Variants in PHF3 observed in about 807,000 individuals in gnomAD.
The protein encoded by PHF3 is PHD finger protein 3.
In PHF3, 41 loss-of-function variants were observed where a neutral mutation model predicts 178.4. The observed-to-expected ratio is 0.23, with a 90% CI of 0.18 to 0.30. PHF3 has a LOEUF of 0.30. PHF3 is among the 10% of genes least tolerant of loss of function. The pLI, the probability that PHF3 is intolerant of heterozygous loss-of-function variation, is 1.00. For missense variants in PHF3, 2,346 were observed against 2,398.1 expected (o/e 0.98, Z 0.45); for synonymous variants, 842 against 800.5 (o/e 1.05, Z -0.88).
chr6:63,686,201 G>A, intron 4 of PHF3: 2 of 323,418 alleles, frequency 6.2e-6, no homozygotes, highest in Non-Finnish European at 1.1e-5. Context: ...CACTGCATCT[G>A]CAAAAAAGCC....
intron 9 of PHF3, 41 bp from the exon 10 acceptor site, chr6:63,702,467 T>C: frequency 7.4e-7 from 1 of 1,344,666 alleles, no homozygotes; most frequent in Non-Finnish European, 1.0e-6. Context: ...TGGAAATACA[T>C]ATTTTAAATT....
At chr6:63,686,029 A>G (rs1019407061) in intron 4 of PHF3, 118 bp downstream of exon 4, 1 of 661,990 alleles carries the variant, frequency 1.5e-6, no homozygotes, top group Admixed American at 3.0e-5. Context: ...GACCTGTGCA[A>G]AAACAAAAAG....
intron 4 of PHF3, among the ~76,000 whole-genome samples, chr6:63,690,457 C>T (rs1327806255): frequency 6.6e-6 from 1 of 152,120 alleles, no homozygotes; most frequent in East Asian, 1.9e-4. Context: ...TTTAAAAACA[C>T]TGTAAGGATT....
intron 2 of PHF3, among the ~76,000 whole-genome samples, chr6:63,657,499 G>A (rs893392686): frequency 3.2e-4 from 48 of 152,052 alleles, no homozygotes; most frequent in African/African-American, 1.1e-3. Context: ...TTACAATAAA[G>A]TACACTAGAG....
intron 2 of PHF3, among the ~76,000 whole-genome samples, chr6:63,650,556 T>G (rs1426264353): frequency 6.6e-6 from 1 of 152,228 alleles, no homozygotes; most frequent in African/African-American, 2.4e-5. Flanking sequence ...AAGCAAAGTG[T>G]TGTAATACTT....
At chr6:63,664,482 T>C (rs1372318724) in intron 2 of PHF3, among the ~76,000 whole-genome samples, 1 of 152,216 alleles carries the variant, frequency 6.6e-6, no homozygotes, top group Non-Finnish European at 1.5e-5. Context: ...TAAGTTTATA[T>C]ATAAGACATT....
rs1461215214 is a variant in PHF3 at position 63,714,303 on chromosome 6, G to A, written c.*595G>A. The A allele has an allele frequency of 2.6e-5, 4 of 152,490 alleles. No individual in the cohort carries two copies. Among genetic ancestry groups the A allele is most frequent in the Admixed American group, 2.6e-4 (4 of 15,250 alleles). The allele number at this position is 152,490 out of a possible 1,614,324, so 9.4% of individuals were successfully genotyped here. Reference sequence around the variant, plus strand: ...TACCATATACTACAGCTTTGTGGTAGGCCATTATTTTCATTTTCATTTTTG... The same window carrying A: ...TACCATATACTACAGCTTTGTGGTAAGCCATTATTTTCATTTTCATTTTTG... On this transcript the variant is annotated 3_prime_UTR_variant, in exon 16 of 16. Transcript: ENST00000262043.
intron 3 of PHF3, among the ~76,000 whole-genome samples, chr6:63,681,915 C>G (rs1324098373): frequency 6.6e-6 from 1 of 151,994 alleles, no homozygotes; most frequent in Non-Finnish European, 1.5e-5. Context: ...AGCAATCTGG[C>G]TGTACTGTTG....
intron 1 of PHF3, among the ~76,000 whole-genome samples, chr6:63,642,287 CT>C (rs1764609249): frequency 6.6e-6 from 1 of 152,186 alleles, no homozygotes; most frequent in Non-Finnish European, 1.5e-5. Flanking sequence ...CCTGCCTAGC[CT>C]TTGTTAGCTT....
At chr6:63,678,506 G>T (rs1034562969) in intron 2 of PHF3, among the ~76,000 whole-genome samples, 2 of 151,522 alleles carry the variant, frequency 1.3e-5, no homozygotes, top group African/African-American at 2.4e-5. Context: ...ATAGGAAAAA[G>T]GTATATTCTT....
At chr6:63,694,969 A>G (rs558224866) in intron 6 of PHF3, among the ~76,000 whole-genome samples, 13 of 152,294 alleles carry the variant, frequency 8.5e-5, no homozygotes, top group Middle Eastern at 3.4e-3. Flanking sequence ...TAGTGAAATT[A>G]AGATAAGACC....
intron 2 of PHF3, among the ~76,000 whole-genome samples, chr6:63,659,304 C>T (rs1342659753): frequency 6.6e-6 from 1 of 152,060 alleles, no homozygotes; most frequent in Non-Finnish European, 1.5e-5. Flanking sequence ...AGTAAGGTCC[C>T]AAAAACTCAG....
Position 63,691,791 on chromosome 6 carries a change from G to T in PHF3, c.2244G>T (p.Gly748=). The stretch of plus-strand genomic sequence containing the variant: ...ACTGGTTTCATGGTGATTGTGTTGG[G>T]TTAAGTCTTTCTCAAGCACAGCAGA... The part of the protein sequence containing the change: ...CDDWFHGDCV[G]LSLSQAQQMG... The change falls in exon 5 of 16, where the codon GGG becomes GGT. Residue 748 remains glycine, a synonymous_variant. Coordinates refer to ENST00000262043, the MANE Select transcript of PHF3 (RefSeq NM_001370348.2). The T allele has an allele frequency of 6.2e-7, 1 of 1,613,728 alleles. No individual in the cohort carries two copies. The highest frequency in any genetic ancestry group is 1.1e-5 in the South Asian group (1 of 91,070).
intron 6 of PHF3, among the ~76,000 whole-genome samples, chr6:63,696,432 G>T (rs1242562316): frequency 6.6e-6 from 1 of 151,190 alleles, no homozygotes; most frequent in African/African-American, 2.4e-5. Flanking sequence ...CTATCCTCTC[G>T]CCTCAACCTC....
At position 63,636,147 on chromosome 6, in the gene PHF3, C is replaced by T. The variant is rs940195777; in HGVS notation, c.-29C>T. On this transcript the variant is annotated 5_prime_UTR_variant, in exon 1 of 16. Transcript: ENST00000262043. Reference sequence around the variant, plus strand: ...CAGTGGTAGCGCTCGTCTGGCGGAGCTGGGTGAGTTGCGGCTGTGGCCGCG... The same window carrying T: ...CAGTGGTAGCGCTCGTCTGGCGGAGTTGGGTGAGTTGCGGCTGTGGCCGCG... 1.0e-5 allele frequency: 4 copies of T among 387,904 alleles called. No homozygotes were observed. The highest frequency in any genetic ancestry group is 9.1e-6 in the Non-Finnish European group (2 of 219,968). The allele number at this position is 387,904 out of a possible 1,614,324, so 24.0% of individuals were successfully genotyped here. A position where few individuals can be genotyped will look rare whatever the true frequency, so the allele number is the denominator to read the frequency against.
chr6:63,654,810 G>A (rs1368547555), intron 2 of PHF3, among the ~76,000 whole-genome samples: 3 of 151,512 alleles, frequency 2.0e-5, no homozygotes, highest in Non-Finnish European at 4.4e-5. Flanking sequence ...TAGGATTTTC[G>A]CTTTTGCTGG....
At chr6:63,667,853 G>A (rs72884656) in intron 2 of PHF3, among the ~76,000 whole-genome samples, 8 of 152,180 alleles carry the variant, frequency 5.3e-5, no homozygotes, top group African/African-American at 9.6e-5. Context: ...TTTGGCATTC[G>A]GAAAACTTCA....
intron 2 of PHF3, among the ~76,000 whole-genome samples, chr6:63,663,786 G>T (rs1412468271): frequency 6.6e-6 from 1 of 152,024 alleles, no homozygotes; most frequent in East Asian, 1.9e-4. Flanking sequence ...AGGGACCCAA[G>T]CTCCTTCTAC....
chr6:63,656,088 CTT>C (rs528417142), intron 2 of PHF3, among the ~76,000 whole-genome samples: 70 of 152,358 alleles, frequency 4.6e-4, no homozygotes, highest in African/African-American at 1.5e-3. Context: ...TAAAGTATCA[CTT>C]TATAAATTCA....
Sources: allele counts gnomAD v4.1 joint callset (sites outside exome capture counted in the v4.1 genomes callset), GRCh38; gene constraint gnomAD v4.1.1; transcripts MANE v1.5; gene names NCBI Gene and HGNC (gene_info 2026-07-23, HGNC 2026-07-21).